SERAC1: variants seen among roughly 807,000 people sequenced by gnomAD.
SERAC1 encodes protein SERAC1.
A neutral mutation model predicts 85.7 loss-of-function variants in SERAC1; 36 were observed. That is an observed-to-expected ratio of 0.42 (90% CI 0.32 to 0.55). SERAC1 has a LOEUF of 0.55. Ranked by LOEUF, SERAC1 falls within the 20% of genes least tolerant of loss-of-function variation. The probability of loss-of-function intolerance (pLI) is 0.11; values close to 1 mark genes in which losing one functional copy is unlikely to be tolerated. For synonymous variants in SERAC1, 242 were observed against 265.3 expected, an observed-to-expected ratio of 0.91 and a Z score of 0.85; for missense variants, 629 against 796.2, an observed-to-expected ratio of 0.79 and a Z score of 2.53.
At chr6:158,124,748 A>AAAAC (rs1784497825) in intron 10 of SERAC1, among the ~76,000 whole-genome samples, 1 of 131,406 alleles carries the variant, frequency 7.6e-6, no homozygotes, top group South Asian at 2.5e-4. Flanking sequence ...AATGCTGGAA[A>AAAAC]ACACACACAC....
rs774371194 is a variant in SERAC1 at position 158,116,258 on chromosome 6, G to C, written c.1428C>G (p.Asn476Lys). The change falls in exon 14 of 17, where the codon AAC becomes AAG. Residue 476 changes from asparagine (N) to lysine (K), a missense_variant. Coordinates refer to ENST00000647468, the MANE Select transcript of SERAC1 (RefSeq NM_032861.4). ...CAGCTCTGAGCTTCCTAAGAAGTTC[G>C]TTGCTTCTGAATGCAATGGACTTTC... ...MERKSIAFRS[N>K]ELLRKLRAAG... is the part of the protein sequence containing the mutation. 1.9e-6 allele frequency: 3 copies of C among 1,613,900 alleles called. No homozygotes were observed. Among genetic ancestry groups the C allele is most frequent in the Non-Finnish European group, 1.7e-6 (2 of 1,179,952 alleles).
At chr6:158,155,834 G>A (rs562791874) in intron 2 of SERAC1, among the ~76,000 whole-genome samples, 51 of 152,280 alleles carry the variant, frequency 3.3e-4, no homozygotes, top group African/African-American at 1.2e-3. Context: ...AGGTACATAC[G>A]TACGTAGCCC....
intron 8 of SERAC1, among the ~76,000 whole-genome samples, chr6:158,142,152 T>C (rs1034392789): frequency 1.3e-5 from 2 of 151,986 alleles, no homozygotes; most frequent in African/African-American, 4.8e-5. Flanking sequence ...CTGATAGCCT[T>C]TTACTTTTTC....
chr6:158,138,753 A>G (rs1784853503), intron 8 of SERAC1, among the ~76,000 whole-genome samples: 1 of 152,166 alleles, frequency 6.6e-6, no homozygotes, highest in Non-Finnish European at 1.5e-5. Context: ...CTTCCAGATG[A>G]AAAGCAGGGG....
intron 2 of SERAC1, among the ~76,000 whole-genome samples, chr6:158,157,178 G>A (rs1308640167): frequency 6.6e-6 from 1 of 151,504 alleles, no homozygotes; most frequent in Non-Finnish European, 1.5e-5. Context: ...TGTATTTTTA[G>A]TAGTGACAGG....
intron 15 of SERAC1, chr6:158,114,517 A>G: frequency 8.4e-7 from 1 of 1,194,944 alleles, no homozygotes; most frequent in Non-Finnish European, 1.0e-6. Context: ...ATAATACTTA[A>G]AAGCAAAACA....
chr6:158,161,853 G>C (rs1583614258), intron 1 of SERAC1: 1 of 152,108 alleles, frequency 6.6e-6, no homozygotes, highest in African/African-American at 2.4e-5. Context: ...TAGGCAGCTA[G>C]AGACCACCTC....
Position 158,148,985 on chromosome 6 carries a change from A to G in SERAC1, c.266-31T>C, listed in dbSNP as rs188215465. On this transcript the variant is annotated intron_variant, in intron 4 of 16. Coordinates refer to ENST00000647468, the MANE Select transcript of SERAC1 (RefSeq NM_032861.4). ...ATGATTATAAAATTAAGTAAAACCAAGAATGTATTTTTTTTTTCTTTTGAG... is the reference window on the plus strand; with the variant it reads ...ATGATTATAAAATTAAGTAAAACCAGGAATGTATTTTTTTTTTCTTTTGAG... The G allele has an allele frequency of 4.4e-5, 67 of 1,511,228 alleles. No homozygotes were observed. The East Asian group carries it at 8.6e-4, about 19-fold the overall frequency. The allele number at this position is 1,511,228 out of a possible 1,614,324, so 93.6% of individuals were successfully genotyped here. A position where few individuals can be genotyped will look rare whatever the true frequency, so the allele number is the denominator to read the frequency against.
chr6:158,114,434 A>C (rs1583556716), intron 15 of SERAC1: 2 of 1,007,190 alleles, frequency 2.0e-6, no homozygotes, highest in African/African-American at 1.7e-5. Flanking sequence ...ACAATCTCAA[A>C]GTTTCATTTA....
At position 158,119,229 on chromosome 6, in the gene SERAC1, A is replaced by ACCACCGAG; in HGVS notation, c.1167-60_1167-59insCTCGGTGG. ...ATAAATGCATTACTGCTTTGGTAAG[A>ACCACCGAG]ATCTACACAGCATTCTCTGTGGATG... On this transcript the variant is annotated intron_variant, in intron 11 of 16. Coordinates refer to ENST00000647468, the MANE Select transcript of SERAC1 (RefSeq NM_032861.4). This position sits in a 1 kb window ranked among gnomAD's most constrained non-coding sequence, Gnocchi z 4.5. 2 of 1,524,080 alleles carry ACCACCGAG rather than the reference A, an allele frequency of 1.3e-6. No individual in the cohort carries two copies. The highest frequency in any genetic ancestry group is 1.2e-5 in the South Asian group (1 of 80,850). 94.4% of individuals were successfully genotyped at this position (1,524,080 alleles called of 1,614,324 possible).
In SERAC1 at chr6:158,117,161, GT is replaced by G. The variant is rs1220677197; in HGVS notation, c.1403+565del. ...CTACGGGAGGTTCATTCAGAAAGCA[GT>G]TTGATAACACTGATTTAGACCAACT... On this transcript the variant is annotated intron_variant, in intron 13 of 16. Coordinates refer to ENST00000647468, the MANE Select transcript of SERAC1 (RefSeq NM_032861.4). This position sits in a 1 kb window ranked among gnomAD's most constrained non-coding sequence, Gnocchi z 4.3. The G allele has an allele frequency of 1.0e-5, 2 of 192,016 alleles. No homozygotes were observed. The highest frequency in any genetic ancestry group is 4.7e-5 in the African/African-American group (2 of 42,816). 11.9% of individuals were successfully genotyped at this position (192,016 alleles called of 1,614,324 possible).
intron 4 of SERAC1, among the ~76,000 whole-genome samples, 177 bp downstream of exon 4, chr6:158,150,276 C>T (rs1038770133): frequency 2.0e-5 from 3 of 152,186 alleles, no homozygotes; most frequent in East Asian, 3.8e-4. Context: ...GGATTAAATA[C>T]GGAAGCCTAA....
chr6:158,117,374 C>G lies in SERAC1; in HGVS notation c.1403+353G>C, dbSNP rs1232566404. 1 of 735,828 alleles carries G rather than the reference C, an allele frequency of 1.4e-6. No individual in the cohort carries two copies. 45.6% of individuals were successfully genotyped at this position (735,828 alleles called of 1,614,324 possible). On this transcript the variant is annotated intron_variant, in intron 13 of 16. Transcript: ENST00000647468. The surrounding 1 kb of genome is among the most constrained non-coding windows in gnomAD (Gnocchi z 4.3). ...GCAGCTGATATTTCTCAGCATCTTT[C>G]TCTTTGCTTCCTTTAGCCAGTATGA...
Position 158,120,311 on chromosome 6 carries a change from T to C in SERAC1, c.1166+114A>G, listed in dbSNP as rs1487687651. On this transcript the variant is annotated intron_variant, in intron 11 of 16. Coordinates refer to ENST00000647468, the MANE Select transcript of SERAC1 (RefSeq NM_032861.4). The surrounding 1 kb of genome is among the most constrained non-coding windows in gnomAD (Gnocchi z 4.4). ...CAAATTATTTTAGTAAATAAGATATTTGACTTATAAGTTATTTAACTTATC... is the reference window on the plus strand; with the variant it reads ...CAAATTATTTTAGTAAATAAGATATCTGACTTATAAGTTATTTAACTTATC... 4 of 1,082,138 alleles carry C rather than the reference T, an allele frequency of 3.7e-6. No individual in the cohort carries two copies. The East Asian group carries it at 1.0e-4, about 28-fold the overall frequency. The allele number at this position is 1,082,138 out of a possible 1,614,324, so 67.0% of individuals were successfully genotyped here. A position where few individuals can be genotyped will look rare whatever the true frequency, so the allele number is the denominator to read the frequency against.
chr6:158,142,976 G>C, intron 8 of SERAC1, 80 bp downstream of exon 8: 1 of 1,151,494 alleles, frequency 8.7e-7, no homozygotes, highest in East Asian at 2.4e-5. Flanking sequence ...TCAGTTACTG[G>C]GTGAATGCCA....
chr6:158,128,208 G>T lies in SERAC1; in HGVS notation c.915C>A (p.Tyr305Ter). 1 of 1,614,090 alleles carries T rather than the reference G, an allele frequency of 6.2e-7. No individual in the cohort carries two copies. The highest frequency in any genetic ancestry group is 8.5e-7 in the Non-Finnish European group (1 of 1,179,988). ...NGGLQLLQRLYRLHKDCPKVQ... is the reference protein window; with the variant it reads ...NGGLQLLQRL ...CTTTAGGGCAGTCCTTGTGAAGTCG[G>T]TACAGCCTCTGAAGTAGCTGCAGGC... Residue 305 changes from tyrosine (Y) to a stop codon, truncating the protein, a stop_gained, in exon 10 of 17, where the codon TAC becomes TAA. Coordinates refer to ENST00000647468, the MANE Select transcript of SERAC1 (RefSeq NM_032861.4). LOFTEE classifies it high-confidence loss of function.
intron 8 of SERAC1, among the ~76,000 whole-genome samples, chr6:158,137,345 T>C (rs1193500074): frequency 1.4e-5 from 2 of 147,826 alleles, no homozygotes; most frequent in South Asian, 4.4e-4. Flanking sequence ...AGGTGCTTCA[T>C]TAAACATAAA....
chr6:158,148,928 G>C lies in SERAC1; in HGVS notation c.292C>G (p.Leu98Val), dbSNP rs1391802516. 1 of 1,611,590 alleles carries C rather than the reference G, an allele frequency of 6.2e-7. No individual in the cohort carries two copies. The highest frequency in any genetic ancestry group is 8.5e-7 in the Non-Finnish European group (1 of 1,178,984). Residue 98 changes from leucine to valine, a missense_variant, in exon 5 of 17, where the codon CTT (leucine) becomes GTT (valine). By Grantham distance (32) the Leu-to-Val change is conservative. Transcript: ENST00000647468. ...HGIAWQARKE[L>V]HKAVRKVLAT... ...AATACTTTTCTTACTGCTTTGTGAA[G>C]TTCTTTTCTTGCCTGCCAGGCAATA...
intron 8 of SERAC1, among the ~76,000 whole-genome samples, chr6:158,132,003 TAGAG>T (rs35834435): frequency 6.6e-6 from 1 of 151,576 alleles, no homozygotes; most frequent in African/African-American, 2.4e-5. Context: ...ACTACTCGTG[TAGAG>T]AGAGAGAGTG....
Sources: gnomAD v4.1 joint callset for allele counts (sites outside exome capture counted in the v4.1 genomes callset) on GRCh38, gnomAD v4.1.1 for gene constraint, Gnocchi (gnomAD v3.1) non-coding constraint, MANE v1.5 for transcripts, NCBI Gene and HGNC (gene_info 2026-07-23, HGNC 2026-07-21) for gene names.